DLG2: variants seen among roughly 807,000 people sequenced by gnomAD.
The protein encoded by DLG2 is discs large MAGUK scaffold protein 2.
A neutral mutation model predicts 132.5 loss-of-function variants in DLG2; 45 were observed. That is an observed-to-expected ratio of 0.34 (90% CI 0.27 to 0.44). The LOEUF is 0.44. Ranked by LOEUF, DLG2 falls within the 20% of genes least tolerant of loss-of-function variation. The pLI is 1.00. For missense variants in DLG2, 1,045 were observed against 1,196.9 expected (o/e 0.87, Z 1.87); for synonymous variants, 424 against 419.6 (o/e 1.01, Z -0.13).
chr11:85,435,483 T>G (rs532216961), intron 3 of DLG2, among the ~76,000 whole-genome samples: 1 of 152,230 alleles, frequency 6.6e-6, no homozygotes, highest in South Asian at 2.1e-4. Flanking sequence ...ACAAAATTAA[T>G]GTGCAAAAAT....
chr11:85,075,880 A>G (rs923789911), intron 6 of DLG2, among the ~76,000 whole-genome samples: 5 of 152,052 alleles, frequency 3.3e-5, no homozygotes, highest in South Asian at 4.1e-4. Context: ...CTTGTCTACA[A>G]TGAATTTAAT....
chr11:84,207,081 C>CTATATATATATA (rs66827556), intron 8 of DLG2, among the ~76,000 whole-genome samples: 1 of 147,000 alleles, frequency 6.8e-6, no homozygotes, highest in South Asian at 2.2e-4. Flanking sequence ...CTCTCTCTCT[C>CTATATATATATA]TATATATATA....
At chr11:83,895,208 G>A (rs2092600029) in intron 15 of DLG2, among the ~76,000 whole-genome samples, 1 of 144,508 alleles carries the variant, frequency 6.9e-6, no homozygotes, top group Non-Finnish European at 1.5e-5. Context: ...TTGCCAGGCT[G>A]GAGTGCAATG....
rs547318640 is a variant in DLG2, at chr11:84,057,565, A to G, written c.919+1750T>C. On this transcript the variant is annotated intron_variant, in intron 11 of 27. Transcript: ENST00000376104. ...TTTCTTTTTACCCAGATTTAGTTCT[A>G]TGATTTTAACACATTTGAATTTGAC... Among the ~76,000 whole-genome samples the G allele has an allele frequency of 3.7e-4, 57 of 152,238 alleles. No individual in the cohort carries two copies. In the South Asian group the frequency reaches 6.6e-3, roughly 18 times the overall value.
chr11:85,274,655 C>A (rs962762997), intron 4 of DLG2, among the ~76,000 whole-genome samples: 1 of 152,152 alleles, frequency 6.6e-6, no homozygotes, highest in Non-Finnish European at 1.5e-5. Context: ...TCATTCTACC[C>A]CAAGTCTACC....
chr11:84,902,108 T>C (rs2090960481), intron 6 of DLG2, among the ~76,000 whole-genome samples: 1 of 152,156 alleles, frequency 6.6e-6, no homozygotes, highest in Non-Finnish European at 1.5e-5. Context: ...TTGGGCTTTC[T>C]TGGAAGGCAA....
chr11:83,786,087 T>G (rs1566956647), intron 18 of DLG2, among the ~76,000 whole-genome samples: 1 of 152,244 alleles, frequency 6.6e-6, no homozygotes, highest in Admixed American at 6.5e-5. Context: ...CGGAAACAGA[T>G]GTTTAAATAA....
At chr11:84,267,454 T>C (rs2097655472) in intron 7 of DLG2, among the ~76,000 whole-genome samples, 1 of 152,240 alleles carries the variant, frequency 6.6e-6, no homozygotes. Context: ...CCGTCCTTCA[T>C]CTTCTTTAGC....
chr11:84,055,933 T>C (rs2096490512), intron 11 of DLG2, among the ~76,000 whole-genome samples: 3 of 152,158 alleles, frequency 2.0e-5, no homozygotes, highest in Admixed American at 6.6e-5. Context: ...ACTACATTAA[T>C]GTATATCTAG....
At chr11:83,763,037 C>T (rs572942776) in intron 18 of DLG2, among the ~76,000 whole-genome samples, 1 of 152,234 alleles carries the variant, frequency 6.6e-6, no homozygotes, top group South Asian at 2.1e-4. Flanking sequence ...CCCTGTCCAC[C>T]CTTGAAGGCA....
At chr11:83,886,627 C>A (rs1022211606) in intron 15 of DLG2, among the ~76,000 whole-genome samples, 3 of 151,750 alleles carry the variant, frequency 2.0e-5, no homozygotes, top group African/African-American at 7.3e-5. Flanking sequence ...CTCTCCACCC[C>A]AAATCAACAG....
intron 7 of DLG2, among the ~76,000 whole-genome samples, chr11:84,488,399 T>C (rs1428099055): frequency 6.6e-6 from 1 of 152,098 alleles, no homozygotes; most frequent in Non-Finnish European, 1.5e-5. Context: ...CCTTAGTTGA[T>C]GGCCATGGTC....
At chr11:84,072,962 G>C (rs886124365) in intron 10 of DLG2, among the ~76,000 whole-genome samples, 4 of 152,162 alleles carry the variant, frequency 2.6e-5, no homozygotes, top group Non-Finnish European at 4.4e-5. Flanking sequence ...GATTGTATGT[G>C]GGTAGTGAGG....
chr11:85,055,609 G>T (rs2063372729), intron 6 of DLG2, among the ~76,000 whole-genome samples: 1 of 152,142 alleles, frequency 6.6e-6, no homozygotes, highest in South Asian at 2.1e-4. Flanking sequence ...GATAATTCAA[G>T]ATTTTGCAGT....
At chr11:84,149,201 T>G (rs1385428586) in intron 9 of DLG2, among the ~76,000 whole-genome samples, 2 of 152,176 alleles carry the variant, frequency 1.3e-5, no homozygotes, top group Non-Finnish European at 1.5e-5. Flanking sequence ...TTCTCTGGTG[T>G]GCAGAAGCTC....
intron 6 of DLG2, among the ~76,000 whole-genome samples, chr11:84,652,535 G>C (rs968569171): frequency 2.6e-5 from 4 of 152,092 alleles, no homozygotes; most frequent in Non-Finnish European, 5.9e-5. Context: ...AACTGTTTAT[G>C]GAATGTGTAA....
chr11:84,824,399 T>C (rs1239829324), intron 6 of DLG2, among the ~76,000 whole-genome samples: 1 of 151,924 alleles, frequency 6.6e-6, no homozygotes, highest in Non-Finnish European at 1.5e-5. Context: ...AACTGTGAAA[T>C]GTTTGATTTT....
chr11:84,513,390 T>C (rs1328443590), intron 7 of DLG2, among the ~76,000 whole-genome samples: 1 of 151,406 alleles, frequency 6.6e-6, no homozygotes, highest in Non-Finnish European at 1.5e-5. Flanking sequence ...CTATCCTGAG[T>C]ATAAAGAAAA....
At chr11:84,060,460 G>T (rs897111789) in intron 10 of DLG2, among the ~76,000 whole-genome samples, 1 of 151,442 alleles carries the variant, frequency 6.6e-6, no homozygotes, top group African/African-American at 2.4e-5. Context: ...AGTTCAAGGA[G>T]AACCTCAGAT....
Sources: allele counts gnomAD v4.1 joint callset (sites outside exome capture counted in the v4.1 genomes callset), GRCh38; gene constraint gnomAD v4.1.1; transcripts MANE v1.5; gene names NCBI Gene and HGNC (gene_info 2026-07-23, HGNC 2026-07-21).